The following SLIT3 variants were observed in gnomAD, a reference collection of about 807,000 sequenced individuals.
SLIT3 encodes slit homolog 3 protein.
A neutral mutation model predicts 184.0 loss-of-function variants in SLIT3; 68 were observed. The observed-to-expected ratio is 0.37, with a 90% CI of 0.30 to 0.45. The LOEUF (loss-of-function observed/expected upper bound fraction) is 0.45, where lower values mean the gene tolerates loss of function less well. SLIT3 is among the 20% of genes least tolerant of loss of function. The pLI is 1.00. For synonymous variants in SLIT3, 831 were observed against 828.6 expected (o/e 1.00, Z -0.05); for missense variants, 1,707 against 2,026.0 (o/e 0.84, Z 3.02).
Position 168,928,228 on chromosome 5 carries a change from C to T in SLIT3, c.414-44892G>A, listed in dbSNP as rs374272276. Among the ~76,000 whole-genome samples the T allele has an allele frequency of 2.6e-5, 4 of 152,176 alleles. No individual in the cohort carries two copies. In the South Asian group the frequency reaches 8.3e-4, roughly 32 times the overall value. On this transcript the variant is annotated intron_variant, in intron 4 of 35. Coordinates refer to ENST00000519560, the MANE Select transcript of SLIT3 (RefSeq NM_003062.4). The stretch of plus-strand genomic sequence containing the variant: ...AATACTCTTCCCTTTAAAATTGGCT[C>T]ATATGTTAAAAACTGCTTTAAGAAG...
chr5:168,918,584 C>T (rs1309852593), intron 4 of SLIT3, among the ~76,000 whole-genome samples: 1 of 152,154 alleles, frequency 6.6e-6, no homozygotes, highest in African/African-American at 2.4e-5. Context: ...ATTTATTATG[C>T]TCAGGTGGAA....
intron 1 of SLIT3, among the ~76,000 whole-genome samples, chr5:169,256,924 T>G (rs959353408): frequency 1.3e-5 from 2 of 152,214 alleles, no homozygotes; most frequent in Middle Eastern, 3.4e-3. Context: ...TCACCTATGA[T>G]GTTAGGTTAC....
Position 168,708,032 on chromosome 5 carries a change from T to C in SLIT3, c.2788A>G (p.Thr930Ala). The C allele has an allele frequency of 6.2e-7, 1 of 1,614,186 alleles. No individual in the cohort carries two copies. The highest frequency in any genetic ancestry group is 8.5e-7 in the Non-Finnish European group (1 of 1,180,018). ...CLSSPCKNNG[T>A]CTQDPVELYR... is the part of the protein sequence containing the mutation. ...AGCTCCACAGGGTCCTGGGTGCATG[T>C]CCCGTTATTCTTGCACGGGCTGGAG... Residue 930 changes from threonine (T) to alanine (A), a missense_variant, in exon 26 of 36, where the codon ACA (threonine) becomes GCA (alanine). Physicochemically the swap from Thr to Ala is moderately conservative, Grantham distance 58. Around this residue, in one of 3 missense-constraint regions of SLIT3, gnomAD observed 1,307 missense variants for 1,511.6 expected, o/e 0.86. Coordinates refer to ENST00000519560, the MANE Select transcript of SLIT3 (RefSeq NM_003062.4).
intron 4 of SLIT3, among the ~76,000 whole-genome samples, chr5:169,044,292 T>C (rs1226050097): frequency 6.6e-6 from 1 of 152,156 alleles, no homozygotes; most frequent in Non-Finnish European, 1.5e-5. Context: ...CCTATGTATA[T>C]ACCTAATACA....
In SLIT3 at chr5:169,289,995, G is replaced by A. The variant is rs889326801; in HGVS notation, c.197+10518C>T. ...GGAATATGCTAGGGCACACACTAGG[G>A]CATACACTAGGGCACACACTAGGGA... On this transcript the variant is annotated intron_variant, in intron 1 of 35. Coordinates refer to ENST00000519560, the MANE Select transcript of SLIT3 (RefSeq NM_003062.4). Among the ~76,000 whole-genome samples, 3 of 151,560 alleles carry A rather than the reference G, an allele frequency of 2.0e-5. No homozygotes were observed. In the East Asian group the frequency reaches 5.9e-4, roughly 30 times the overall value.
At chr5:168,998,893 CTGTGTGTGTGTG>C (rs71575505) in intron 4 of SLIT3, among the ~76,000 whole-genome samples, 10 of 143,290 alleles carry the variant, frequency 7.0e-5, no homozygotes, top group Admixed American at 2.8e-4. Context: ...ACCCAGAAAT[CTGTGTGTGTGTG>C]TGTGTGTGTG....
In SLIT3 at chr5:168,782,672, T is replaced by A. The variant is rs547864276; in HGVS notation, c.1151+3235A>T. On this transcript the variant is annotated intron_variant, in intron 12 of 35. Transcript: ENST00000519560. The stretch of plus-strand genomic sequence containing the variant: ...AGTTGGGATCATGTGCCCAGTGATA[T>A]GTCCTTTTCTCACCTTGGGTTCTGA... 5.3e-5 allele frequency among the ~76,000 whole-genome samples: 8 copies of A among 152,288 alleles called. No homozygotes were observed. The South Asian group carries it at 1.7e-3, about 32-fold the overall frequency.
intron 4 of SLIT3, among the ~76,000 whole-genome samples, chr5:168,970,540 G>C (rs1754538359): frequency 6.6e-6 from 1 of 151,386 alleles, no homozygotes; most frequent in African/African-American, 2.4e-5. Flanking sequence ...AAAACAAACA[G>C]CTCCTCTGAA....
chr5:168,899,634 T>C (rs566747876), intron 4 of SLIT3, among the ~76,000 whole-genome samples: 1 of 152,308 alleles, frequency 6.6e-6, no homozygotes, highest in South Asian at 2.1e-4. Context: ...AGCATTGCCA[T>C]GTAGGTTCAG....
intron 4 of SLIT3, among the ~76,000 whole-genome samples, chr5:169,077,497 C>A (rs1047702445): frequency 1.3e-5 from 2 of 152,146 alleles, no homozygotes; most frequent in African/African-American, 4.8e-5. Flanking sequence ...CGAGATCACA[C>A]CACTGCACTC....
intron 20 of SLIT3, among the ~76,000 whole-genome samples, chr5:168,738,350 G>A (rs1763502880): frequency 6.6e-6 from 1 of 152,190 alleles, no homozygotes; most frequent in South Asian, 2.1e-4. Flanking sequence ...ACCAAAACCA[G>A]GAATGCCCTT....
chr5:169,064,017 T>G (rs1758265609), intron 4 of SLIT3, among the ~76,000 whole-genome samples: 1 of 152,200 alleles, frequency 6.6e-6, no homozygotes, highest in East Asian at 1.9e-4. Flanking sequence ...AGTAGTTGGT[T>G]AATATGATGT....
intron 4 of SLIT3, among the ~76,000 whole-genome samples, chr5:169,034,676 C>T (rs542323105): frequency 8.0e-4 from 122 of 152,016 alleles, no homozygotes; most frequent in African/African-American, 2.5e-3. Flanking sequence ...CCCAGCTAGA[C>T]GCTAGATCAA....
In SLIT3 at chr5:169,221,382, A is replaced by G. The variant is rs1340557322; in HGVS notation, c.341+23323T>C. 2.6e-5 allele frequency among the ~76,000 whole-genome samples: 4 copies of G among 152,308 alleles called. No homozygotes were observed. In the East Asian group the frequency reaches 7.7e-4, roughly 29 times the overall value. On this transcript the variant is annotated intron_variant, in intron 3 of 35. Transcript: ENST00000519560. ...ACAGGCTGTCATTATGTGAGTGTCA[A>G]TACACTGGGCAGAATCGTGGACATG... is the stretch of plus-strand genomic sequence containing the variant.
At chr5:169,105,882 T>C (rs1760187119) in intron 4 of SLIT3, among the ~76,000 whole-genome samples, 1 of 152,156 alleles carries the variant, frequency 6.6e-6, no homozygotes, top group East Asian at 1.9e-4. Context: ...GTTGATTCCA[T>C]GTCTTTGCTA....
intron 1 of SLIT3, among the ~76,000 whole-genome samples, chr5:169,262,866 A>C (rs1766245638): frequency 6.6e-6 from 1 of 152,202 alleles, no homozygotes. Context: ...TCCTGCGTCC[A>C]TTTAAATCCT....
intron 5 of SLIT3, among the ~76,000 whole-genome samples, chr5:168,878,717 C>CTGTTT (rs72018089): frequency 2.8e-5 from 4 of 140,752 alleles, no homozygotes; most frequent in Non-Finnish European, 4.6e-5. Flanking sequence ...CAGTTTCTTC[C>CTGTTT]TTTTTTTTTT....
intron 12 of SLIT3, among the ~76,000 whole-genome samples, 176 bp downstream of exon 12, chr5:168,785,731 G>A (rs1010797855): frequency 6.6e-6 from 1 of 152,168 alleles, no homozygotes; most frequent in Non-Finnish European, 1.5e-5. Context: ...CTGCCCGCTC[G>A]CTGACTCTCC....
intron 20 of SLIT3, among the ~76,000 whole-genome samples, chr5:168,742,973 A>T (rs1763681630): frequency 6.6e-6 from 1 of 152,174 alleles, no homozygotes; most frequent in South Asian, 2.1e-4. Context: ...CTAAAAAAAA[A>T]ATACAAAAAT....
Sources: allele counts gnomAD v4.1 joint callset (sites outside exome capture counted in the v4.1 genomes callset), GRCh38; gene constraint gnomAD v4.1.1; regional missense constraint gnomAD v4.1.1; transcripts MANE v1.5; gene names NCBI Gene and HGNC (gene_info 2026-07-23, HGNC 2026-07-21).